PAH: variants seen among roughly 807,000 people sequenced by gnomAD.
The protein encoded by PAH is phenylalanine hydroxylase, also known as phenylalanine-4-hydroxylase.
A neutral mutation model predicts 62.0 loss-of-function variants in PAH; 64 were observed. The observed-to-expected ratio is 1.03, with a 90% CI of 0.84 to 1.27. The LOEUF (loss-of-function observed/expected upper bound fraction) is 1.27. PAH is among the 50% of genes most tolerant of loss of function. The pLI is 0.00. For missense variants in PAH, 579 were observed against 542.8 expected, an observed-to-expected ratio of 1.07 and a Z score of -0.66; for synonymous variants, 195 against 196.2, an observed-to-expected ratio of 0.99 and a Z score of 0.05.
At chr12:102,925,424 T>G (rs1878659165) in intron 1 of PAH, among the ~76,000 whole-genome samples, 1 of 152,190 alleles carries the variant, frequency 6.6e-6, no homozygotes, top group Non-Finnish European at 1.5e-5. Flanking sequence ...ACTTAGAATT[T>G]GATGAGAAAA....
intron 4 of PAH, 102 bp downstream of exon 4, chr12:102,877,360 C>G (rs1230314675): frequency 1.1e-6 from 1 of 894,884 alleles, no homozygotes; most frequent in Non-Finnish European, 1.9e-6. Context: ...GTTTGTTGAA[C>G]AAGTGAACAA....
Position 102,840,445 on chromosome 12 carries a change from A to C in PAH, c.1270T>G (p.Leu424Val), listed in dbSNP as rs148041893. ...YDPYTQRIEV[L>V]DNTQQLKILA... ...ATCTTAAGCTGCTGGGTATTGTCCA[A>C]GACCTCAATCCTTTGGGTGTATGGG... Residue 424 changes from leucine (L) to valine (V), a missense_variant, in exon 12 of 13, where the codon TTG (leucine) becomes GTG (valine). Transcript: ENST00000553106. 6 of 1,614,086 alleles carry C rather than the reference A, an allele frequency of 3.7e-6. No homozygotes were observed. Among genetic ancestry groups the C allele is most frequent in the Non-Finnish European group, 4.2e-6 (5 of 1,179,924 alleles).
chr12:102,857,429 C>T (rs1395178194), intron 5 of PAH, among the ~76,000 whole-genome samples: 1 of 152,192 alleles, frequency 6.6e-6, no homozygotes, highest in African/African-American at 2.4e-5. Context: ...ACTTCCCCAA[C>T]CTAGCAAGGC....
intron 6 of PAH, 164 bp downstream of exon 6, chr12:102,854,972 G>A (rs1875341794): frequency 2.8e-6 from 2 of 703,382 alleles, no homozygotes; most frequent in African/African-American, 1.8e-5. Flanking sequence ...AGGGAAGGCA[G>A]AGCACAGTGA....
Position 102,912,720 on chromosome 12 carries a change from G to T in PAH, c.168+71C>A, listed in dbSNP as rs892614489. On this transcript the variant is annotated intron_variant, in intron 2 of 12. Transcript: ENST00000553106. The stretch of plus-strand genomic sequence containing the variant: ...TTCCAGATCCTGTGTTCTTTTCATT[G>T]CATCTAACTAGAAAAGAACATGGAA... 8.5e-6 allele frequency: 9 copies of T among 1,063,596 alleles called. No homozygotes were observed. The African/African-American group carries it at 1.1e-4, about 13-fold the overall frequency. The allele number at this position is 1,063,596 out of a possible 1,614,324, so 65.9% of individuals were successfully genotyped here.
chr12:102,933,171 TC>T (rs1343734433), intron 1 of PAH, among the ~76,000 whole-genome samples: 1 of 152,164 alleles, frequency 6.6e-6, no homozygotes, highest in African/African-American at 2.4e-5. Flanking sequence ...TCTCTCTGTC[TC>T]CAAAAATTCA....
At chr12:102,862,934 A>G (rs1044921363) in intron 5 of PAH, among the ~76,000 whole-genome samples, 1 of 143,152 alleles carries the variant, frequency 7.0e-6, no homozygotes, top group African/African-American at 2.5e-5. Context: ...TGTGGTAGCC[A>G]GCAATGATGG....
intron 7 of PAH, 55 bp from the exon 8 acceptor site, chr12:102,851,811 G>T: frequency 7.4e-7 from 1 of 1,350,902 alleles, no homozygotes; most frequent in South Asian, 1.2e-5. Flanking sequence ...AGCCAAGCCA[G>T]ACTCAGTCTT....
chr12:102,877,548 G>A lies in PAH; in HGVS notation c.355C>T (p.Pro119Ser), dbSNP rs398123292. 1.3e-4 allele frequency: 213 copies of A among 1,611,962 alleles called. 3 individuals are homozygous for A. The South Asian group carries it at 2.2e-3, about 17-fold the overall frequency. Residue 119 changes from proline (P) to serine (S), a missense_variant and splice_region_variant, in exon 4 of 13, where the codon CCC becomes TCC. Physicochemically the swap from Pro to Ser is moderately conservative, Grantham distance 74. Coordinates refer to ENST00000553106, the MANE Select transcript of PAH (RefSeq NM_000277.3). Reference protein sequence around the residue: ...LSRDKKKDTVPWFPRTIQELD... With the variant: ...LSRDKKKDTVSWFPRTIQELD... ...TCTTGAATGGTTCTTGGGAACCAGG[G>A]CACTGAAACACAGAGAAGGCAACGT...
intron 5 of PAH, among the ~76,000 whole-genome samples, chr12:102,862,572 A>T (rs12319699): frequency 0.24 from 36,595 of 149,754 alleles, 5,491 homozygotes; most frequent in African/African-American, 0.4. Context: ...TAAAGATTTT[A>T]AAAAAAAAGT....
intron 5 of PAH, among the ~76,000 whole-genome samples, chr12:102,857,126 T>C (rs1467613513): frequency 2.0e-5 from 3 of 152,182 alleles, no homozygotes; most frequent in African/African-American, 7.2e-5. Context: ...TGTAGAGAAG[T>C]CCTTAAATGA....
chr12:102,912,913 G>A lies in PAH; in HGVS notation c.61-15C>T. 1 of 1,543,878 alleles carries A rather than the reference G, an allele frequency of 6.5e-7. No homozygotes were observed. The highest frequency in any genetic ancestry group is 9.0e-7 in the Non-Finnish European group (1 of 1,115,996). ...TAGCTTGTTTCCTACAGGATAAGAT[G>A]CATTTGTTTAAAACATTTTCCACAG... On this transcript the variant is annotated splice_polypyrimidine_tract_variant and intron_variant, in intron 1 of 12. Coordinates refer to ENST00000553106, the MANE Select transcript of PAH (RefSeq NM_000277.3).
rs180828711 is a variant in PAH at position 102,860,516 on chromosome 12, G to A, written c.510-5184C>T. 4.0e-3 allele frequency among the ~76,000 whole-genome samples: 591 copies of A among 147,590 alleles called. 7 individuals are homozygous for A. Among genetic ancestry groups the A allele is most frequent in the African/African-American group, 0.013 (503 of 39,742 alleles). Reference sequence around the variant, plus strand: ...GTTCATATGGAACCAAAAATAGCCCGCATTGCCAAGACAATCCTAAGCCAA... The same window carrying A: ...GTTCATATGGAACCAAAAATAGCCCACATTGCCAAGACAATCCTAAGCCAA... On this transcript the variant is annotated intron_variant, in intron 5 of 12. Coordinates refer to ENST00000553106, the MANE Select transcript of PAH (RefSeq NM_000277.3).
intron 5 of PAH, among the ~76,000 whole-genome samples, chr12:102,864,380 G>A (rs1172896105): frequency 1.3e-5 from 2 of 152,084 alleles, no homozygotes; most frequent in East Asian, 3.9e-4. Context: ...CTAAAGCAGT[G>A]ACCGCAGTAT....
At chr12:102,942,739 T>G (rs1879340089) in intron 1 of PAH, among the ~76,000 whole-genome samples, 1 of 152,054 alleles carries the variant, frequency 6.6e-6, no homozygotes, top group South Asian at 2.1e-4. Flanking sequence ...TGGAACAGGT[T>G]AGAGAATTCA....
At chr12:102,861,388 G>T (rs145749384) in intron 5 of PAH, among the ~76,000 whole-genome samples, 4,068 of 152,336 alleles carry the variant, frequency 0.027, 180 homozygotes, top group African/African-American at 0.091. Flanking sequence ...TGGTGGGACT[G>T]TAAACTGGTT....
intron 2 of PAH, among the ~76,000 whole-genome samples, chr12:102,906,023 G>A (rs7135561): frequency 0.018 from 2,663 of 151,772 alleles, 71 homozygotes; most frequent in African/African-American, 0.061. Context: ...TCAAAAAATC[G>A]GTAAGAAAAA....
intron 4 of PAH, among the ~76,000 whole-genome samples, chr12:102,870,394 A>C (rs992890802): frequency 8.5e-5 from 13 of 152,166 alleles, no homozygotes; most frequent in African/African-American, 2.4e-5. Flanking sequence ...TAGTTTCCTC[A>C]TCAGTAAAAT....
chr12:102,888,915 A>G (rs920805833), intron 3 of PAH, among the ~76,000 whole-genome samples: 3 of 152,120 alleles, frequency 2.0e-5, no homozygotes, highest in Non-Finnish European at 4.4e-5. Flanking sequence ...AAAGGCACAC[A>G]TGGAATGCAC....
Sources: allele counts gnomAD v4.1 joint callset (sites outside exome capture counted in the v4.1 genomes callset), GRCh38; gene constraint gnomAD v4.1.1; transcripts MANE v1.5; gene names NCBI Gene and HGNC (gene_info 2026-07-23, HGNC 2026-07-21).